The following WWOX variants were observed in gnomAD, a reference collection of about 807,000 sequenced individuals.
WWOX encodes the protein WW domain-containing oxidoreductase.
In WWOX, 69 loss-of-function variants were observed where a neutral mutation model predicts 46.2. That is an observed-to-expected ratio of 1.49 (90% CI 1.23 to 1.82). The LOEUF (loss-of-function observed/expected upper bound fraction) is 1.82, where lower values mean the gene tolerates loss of function less well. Ranked by LOEUF, WWOX falls within the 40% of genes most tolerant of loss-of-function variation. WWOX has a pLI of 0.00. For synonymous variants in WWOX, 359 were observed against 202.6 expected, an observed-to-expected ratio of 1.77 and a Z score of -6.56; for missense variants, 919 against 542.6, an observed-to-expected ratio of 1.69 and a Z score of -6.89.
intron 1 of WWOX, among the ~76,000 whole-genome samples, chr16:78,100,915 C>CT (rs1258416176): frequency 6.6e-6 from 1 of 151,992 alleles, no homozygotes; most frequent in Non-Finnish European, 1.5e-5. Context: ...TTGGGAGTCT[C>CT]TTTTTTTAAG....
intron 8 of WWOX, among the ~76,000 whole-genome samples, chr16:78,712,136 A>T (rs1212133159): frequency 6.6e-6 from 1 of 152,078 alleles, no homozygotes; most frequent in Non-Finnish European, 1.5e-5. Flanking sequence ...TCTGACCAAT[A>T]AGCCAATGTT....
At position 78,155,811 on chromosome 16, in the gene WWOX, G is replaced by A. The variant is rs76022398; in HGVS notation, c.410-8372G>A. Among the ~76,000 whole-genome samples the A allele has an allele frequency of 1.8e-3, 275 of 152,298 alleles. 1 individual carries two copies. The highest frequency in any genetic ancestry group is 5.8e-3 in the African/African-American group (240 of 41,566). On this transcript the variant is annotated intron_variant, in intron 4 of 8. Transcript: ENST00000566780. Reference sequence around the variant, plus strand: ...CTACATTTAGCTAATTAAACTGGCCGTCAGCTGCAGTATTACAAGAGTGAG... The same window carrying A: ...CTACATTTAGCTAATTAAACTGGCCATCAGCTGCAGTATTACAAGAGTGAG...
chr16:79,159,976 CTTTGGGA>C (rs934257463), intron 8 of WWOX, among the ~76,000 whole-genome samples: 4 of 145,160 alleles, frequency 2.8e-5, no homozygotes, highest in African/African-American at 4.9e-5. Flanking sequence ...ACCTAGGGGG[CTTTGGGA>C]TTTGGGGCTG....
chr16:78,639,752 G>C lies in WWOX; in HGVS notation c.1056+207000G>C, dbSNP rs570957217. ...CTAATTTTTTGTCTTTTTTAGTAGA[G>C]ACAGGGTTTCACCATGTTGGCCAGG... On this transcript the variant is annotated intron_variant, in intron 8 of 8. Coordinates refer to ENST00000566780, the MANE Select transcript of WWOX (RefSeq NM_016373.4). 9.9e-5 allele frequency among the ~76,000 whole-genome samples: 15 copies of C among 152,204 alleles called. No individual in the cohort carries two copies. In the Middle Eastern group the frequency reaches 0.01, roughly 104 times the overall value.
intron 8 of WWOX, among the ~76,000 whole-genome samples, chr16:78,630,477 C>A (rs1269923983): frequency 6.6e-6 from 1 of 152,154 alleles, no homozygotes; most frequent in Non-Finnish European, 1.5e-5. Flanking sequence ...TGGCCAACTT[C>A]CAATAAAAAC....
intron 8 of WWOX, among the ~76,000 whole-genome samples, chr16:78,944,749 C>G (rs1018456615): frequency 4.6e-5 from 7 of 152,178 alleles, no homozygotes; most frequent in African/African-American, 1.7e-4. Context: ...GCTTATGACA[C>G]TGATCCTTAG....
chr16:78,761,324 T>G lies in WWOX; in HGVS notation c.1056+328572T>G, dbSNP rs529822285. Among the ~76,000 whole-genome samples the G allele has an allele frequency of 2.0e-5, 3 of 152,348 alleles. No homozygotes were observed. In the East Asian group the frequency reaches 5.8e-4, roughly 29 times the overall value. On this transcript the variant is annotated intron_variant, in intron 8 of 8. Transcript: ENST00000566780. ...CTTTATCAATCTGTTTGGATTTTCC[T>G]GGCCCATTTACTCACAAATTTAAAA...
At chr16:78,487,750 C>T (rs1013652603) in intron 8 of WWOX, among the ~76,000 whole-genome samples, 4 of 152,108 alleles carry the variant, frequency 2.6e-5, no homozygotes, top group African/African-American at 7.2e-5. Context: ...AGTAAAATGG[C>T]CCCTGGTTGG....
At chr16:79,077,580 A>T (rs1363826189) in intron 8 of WWOX, 1 of 151,878 alleles carries the variant, frequency 6.6e-6, no homozygotes, top group Non-Finnish European at 1.5e-5. Context: ...ACAAATTGTC[A>T]AGTACTTAAA....
intron 8 of WWOX, among the ~76,000 whole-genome samples, chr16:78,822,582 A>G (rs1459633054): frequency 6.6e-6 from 1 of 152,208 alleles, no homozygotes; most frequent in Non-Finnish European, 1.5e-5. Context: ...TATTTTATAA[A>G]TAAAGTCTTC....
At chr16:78,537,258 CCT>C (rs1448333457) in intron 8 of WWOX, among the ~76,000 whole-genome samples, 5 of 152,184 alleles carry the variant, frequency 3.3e-5, no homozygotes, top group Non-Finnish European at 4.4e-5. Context: ...TGCCTGCCTC[CCT>C]GTCTCCCTGC....
At chr16:78,757,881 G>A (rs9931127) in intron 8 of WWOX, among the ~76,000 whole-genome samples, 1 of 151,734 alleles carries the variant, frequency 6.6e-6, no homozygotes, top group African/African-American at 2.4e-5. Flanking sequence ...TCTCATGACT[G>A]AAGTACCTCC....
At chr16:78,805,672 C>T (rs1237215991) in intron 8 of WWOX, among the ~76,000 whole-genome samples, 2 of 152,166 alleles carry the variant, frequency 1.3e-5, no homozygotes, top group Non-Finnish European at 2.9e-5. Flanking sequence ...AAGACTTAAA[C>T]AGCTTCTTAT....
intron 8 of WWOX, among the ~76,000 whole-genome samples, chr16:78,939,898 T>G (rs2045817589): frequency 6.6e-6 from 1 of 152,244 alleles, no homozygotes; most frequent in East Asian, 1.9e-4. Context: ...GTACATGCTT[T>G]TGCTCAAGTT....
intron 8 of WWOX, among the ~76,000 whole-genome samples, chr16:78,468,499 G>A (rs534538256): frequency 2.1e-3 from 316 of 152,196 alleles, no homozygotes; most frequent in African/African-American, 7.1e-3. Flanking sequence ...TGCTGTTCTT[G>A]GAAGGGTCAT....
At chr16:79,209,523 G>A (rs923449060) in intron 8 of WWOX, among the ~76,000 whole-genome samples, 3 of 152,154 alleles carry the variant, frequency 2.0e-5, no homozygotes, top group African/African-American at 7.2e-5. Context: ...AGGGCGGGAG[G>A]CTGGACTTGA....
intron 8 of WWOX, among the ~76,000 whole-genome samples, chr16:78,588,876 G>A (rs2045284961): frequency 6.6e-6 from 1 of 152,178 alleles, no homozygotes; most frequent in South Asian, 2.1e-4. Context: ...GGTAGTGATA[G>A]TGTTGATAGA....
At chr16:78,963,324 C>T (rs1168856513) in intron 8 of WWOX, among the ~76,000 whole-genome samples, 1 of 152,074 alleles carries the variant, frequency 6.6e-6, no homozygotes. Flanking sequence ...AAAAAATTAG[C>T]TGCCCATGGT....
intron 8 of WWOX, among the ~76,000 whole-genome samples, chr16:78,856,875 G>C (rs2151186479): frequency 6.6e-6 from 1 of 152,218 alleles, no homozygotes; most frequent in South Asian, 2.1e-4. Flanking sequence ...CACCATCATA[G>C]AGTATACCTA....
Sources: allele counts gnomAD v4.1 joint callset (sites outside exome capture counted in the v4.1 genomes callset), GRCh38; gene constraint gnomAD v4.1.1; transcripts MANE v1.5; gene names NCBI Gene and HGNC (gene_info 2026-07-23, HGNC 2026-07-21).